The following DCBLD2 variants were observed in gnomAD, a reference collection of about 807,000 sequenced individuals.
DCBLD2 encodes the protein discoidin, CUB and LCCL domain-containing protein 2.
In DCBLD2, 54 loss-of-function variants were observed where a neutral mutation model predicts 86.8. The ratio of observed to expected loss-of-function variants is 0.62; its 90% CI spans 0.50 to 0.78. The LOEUF (loss-of-function observed/expected upper bound fraction) is 0.78. DCBLD2 is among the 30% of genes least tolerant of loss of function. The pLI is 0.00. For synonymous variants in DCBLD2, 354 were observed against 341.3 expected (o/e 1.04, Z -0.41); for missense variants, 908 against 954.2 (o/e 0.95, Z 0.64).
intron 13 of DCBLD2, among the ~76,000 whole-genome samples, chr3:98,806,757 G>A (rs888657777): frequency 2.0e-5 from 3 of 152,166 alleles, no homozygotes; most frequent in African/African-American, 7.2e-5. Flanking sequence ...CCTTCCTGCT[G>A]TGTTATCTCA....
rs886350011 is a variant in DCBLD2 at position 98,882,419 on chromosome 3, C to CT, written c.206-653dup. Among the ~76,000 whole-genome samples the CT allele has an allele frequency of 5.1e-4, 76 of 149,048 alleles. 1 individual carries two copies. Among genetic ancestry groups the CT allele is most frequent in the African/African-American group, 9.6e-4 (39 of 40,760 alleles). On this transcript the variant is annotated intron_variant, in intron 1 of 15. Transcript: ENST00000326840. ...ATCTGTGAGAAGCTGAATGGAAGCT[C>CT]TTTTTTTTTTAACTTTTTAAAAATT...
At chr3:98,893,427 T>C (rs1366742074) in intron 1 of DCBLD2, among the ~76,000 whole-genome samples, 1 of 149,964 alleles carries the variant, frequency 6.7e-6, no homozygotes, top group East Asian at 1.9e-4. Flanking sequence ...GCAAAGCTGC[T>C]TGGTTTTTCA....
intron 3 of DCBLD2, among the ~76,000 whole-genome samples, chr3:98,827,688 T>C (rs116242956): frequency 1.6e-3 from 249 of 152,320 alleles, no homozygotes; most frequent in Admixed American, 6.5e-3. Context: ...CCTTTACAAC[T>C]CTACAAAGAA....
intron 12 of DCBLD2, among the ~76,000 whole-genome samples, chr3:98,809,931 A>C (rs1307482102): frequency 6.6e-6 from 1 of 152,220 alleles, no homozygotes; most frequent in South Asian, 2.1e-4. Flanking sequence ...GAAGATAATC[A>C]AGTTTAGATG....
intron 3 of DCBLD2, among the ~76,000 whole-genome samples, chr3:98,829,499 T>G (rs1044262433): frequency 2.0e-5 from 3 of 152,232 alleles, no homozygotes; most frequent in Non-Finnish European, 4.4e-5. Flanking sequence ...GTGCTACATT[T>G]AACTGCCACT....
chr3:98,901,501 T>G lies in DCBLD2; in HGVS notation c.-175A>C. On this transcript the variant is annotated 5_prime_UTR_variant, in exon 1 of 16. Transcript: ENST00000326840. ...CACCCCGCTTTCACCTACTCCTCCT[T>G]CGTCCCTTCCCTCCGCTCCCCGCGC... 2 of 525,478 alleles carry G rather than the reference T, an allele frequency of 3.8e-6. No individual in the cohort carries two copies. Among genetic ancestry groups the G allele is most frequent in the Non-Finnish European group, 5.7e-6 (2 of 349,354 alleles). 32.6% of individuals were successfully genotyped at this position (525,478 alleles called of 1,614,324 possible).
At chr3:98,854,009 T>C (rs2439237) in intron 2 of DCBLD2, among the ~76,000 whole-genome samples, 80,594 of 151,876 alleles carry the variant, frequency 0.53, 21,705 homozygotes, top group African/African-American at 0.58. Flanking sequence ...TTTTAACTAG[T>C]ATAGAGCATC....
chr3:98,805,788 C>G (rs2107426411), intron 13 of DCBLD2, among the ~76,000 whole-genome samples: 1 of 152,286 alleles, frequency 6.6e-6, no homozygotes, highest in Middle Eastern at 3.4e-3. Flanking sequence ...AAACTGACCT[C>G]AGGCTCTGTC....
rs556174954 is a variant in DCBLD2, at chr3:98,884,498, TA to T, written c.206-2732del. On this transcript the variant is annotated intron_variant, in intron 1 of 15. Transcript: ENST00000326840. The stretch of plus-strand genomic sequence containing the variant: ...CAGCTAAATTAAAAACATAGGGATA[TA>T]AAAAAATCTACTGTGAAAATAAATG... Among the ~76,000 whole-genome samples, 344 of 151,358 alleles carry T rather than the reference TA, an allele frequency of 2.3e-3. 2 individuals carry two copies. Among genetic ancestry groups the T allele is most frequent in the Non-Finnish European group, 3.0e-3 (201 of 67,790 alleles).
At chr3:98,830,721 C>A (rs1942305665) in intron 3 of DCBLD2, among the ~76,000 whole-genome samples, 1 of 152,138 alleles carries the variant, frequency 6.6e-6, no homozygotes, top group Non-Finnish European at 1.5e-5. Flanking sequence ...GCTATTTGGG[C>A]TCCTTTTTGT....
At position 98,796,682 on chromosome 3, in the gene DCBLD2, C is replaced by T. The variant is rs1941605900; in HGVS notation, c.*2690G>A. ...ACAGTGAAACATGAACTTAAATAAA[C>T]TGGACTAGACCCATCACATCCAACA... On this transcript the variant is annotated 3_prime_UTR_variant, in exon 16 of 16. Coordinates refer to ENST00000326840, the MANE Select transcript of DCBLD2 (RefSeq NM_080927.4). The T allele has an allele frequency of 6.6e-6, 1 of 152,612 alleles. No individual in the cohort carries two copies. The highest frequency in any genetic ancestry group is 2.1e-4 in the South Asian group (1 of 4,830). The allele number at this position is 152,612 out of a possible 1,614,324, so 9.5% of individuals were successfully genotyped here.
chr3:98,875,360 T>G (rs1576197586), intron 2 of DCBLD2, among the ~76,000 whole-genome samples: 1 of 152,058 alleles, frequency 6.6e-6, no homozygotes, highest in African/African-American at 2.4e-5. Flanking sequence ...ACAAAAAATG[T>G]GTAAACCCTA....
chr3:98,868,550 T>C (rs1387420848), intron 2 of DCBLD2, among the ~76,000 whole-genome samples: 1 of 152,162 alleles, frequency 6.6e-6, no homozygotes, highest in Non-Finnish European at 1.5e-5. Flanking sequence ...GCTTTTAGTG[T>C]ACCCATCACC....
intron 1 of DCBLD2, 64 bp from the exon 2 acceptor site, chr3:98,881,831 T>A: frequency 1.3e-6 from 2 of 1,501,500 alleles, no homozygotes; most frequent in Non-Finnish European, 9.1e-7. Context: ...TATAATGATT[T>A]TTTTGTGAAG....
At chr3:98,805,924 C>G (rs1048842057) in intron 13 of DCBLD2, among the ~76,000 whole-genome samples, 1 of 152,266 alleles carries the variant, frequency 6.6e-6, no homozygotes, top group Admixed American at 6.5e-5. Flanking sequence ...CACGATCTCT[C>G]AAGTCTGGTC....
intron 3 of DCBLD2, among the ~76,000 whole-genome samples, chr3:98,844,034 G>GCACACACACACACACACA (rs10574415): frequency 0.027 from 3,965 of 145,548 alleles, 70 homozygotes; most frequent in East Asian, 0.046. Flanking sequence ...AATCATGCAT[G>GCACACACACACACACACA]CACACACACA....
intron 1 of DCBLD2, among the ~76,000 whole-genome samples, chr3:98,895,806 G>C (rs1352667841): frequency 2.0e-5 from 3 of 152,058 alleles, no homozygotes; most frequent in African/African-American, 4.8e-5. Context: ...TAGACTGTAG[G>C]TTCTCTGAAG....
chr3:98,805,369 AAAAT>A (rs1443627149), intron 13 of DCBLD2, among the ~76,000 whole-genome samples: 4 of 152,218 alleles, frequency 2.6e-5, no homozygotes, highest in African/African-American at 7.2e-5. Context: ...TAGAAATAAA[AAAAT>A]AAATAAATCA....
intron 9 of DCBLD2, among the ~76,000 whole-genome samples, chr3:98,816,909 G>A (rs1228002731): frequency 6.6e-6 from 1 of 152,062 alleles, no homozygotes; most frequent in African/African-American, 2.4e-5. Flanking sequence ...AGCCTCCCAA[G>A]AAACTGGGAC....
Sources: allele counts gnomAD v4.1 joint callset (sites outside exome capture counted in the v4.1 genomes callset), GRCh38; gene constraint gnomAD v4.1.1; transcripts MANE v1.5; gene names NCBI Gene and HGNC (gene_info 2026-07-23, HGNC 2026-07-21).